Variants in RPTOR observed in about 807,000 individuals in gnomAD.
The protein encoded by RPTOR is regulatory-associated protein of mTOR.
RPTOR carries 21 observed loss-of-function variants against 169.9 expected under a neutral mutation model. The ratio of observed to expected loss-of-function variants is 0.12; its 90% confidence interval spans 0.09 to 0.18. The LOEUF (loss-of-function observed/expected upper bound fraction) is 0.18, where lower values mean the gene tolerates loss of function less well. Among genes scored for constraint, RPTOR ranks in the 10% least tolerant of loss-of-function variants. The pLI is 1.00. For missense variants in RPTOR, 1,133 were observed against 1,855.9 expected, an observed-to-expected ratio of 0.61 and a Z score of 7.16; for synonymous variants, 732 against 753.2, an observed-to-expected ratio of 0.97 and a Z score of 0.46.
At chr17:80,796,433 A>ATTGCC (rs1203881058) in intron 7 of RPTOR, among the ~76,000 whole-genome samples, 1 of 152,146 alleles carries the variant, frequency 6.6e-6, no homozygotes, top group African/African-American at 2.4e-5. Flanking sequence ...GTCATGGCAG[A>ATTGCC]AAGGGAAGGG....
At chr17:80,937,731 G>A (rs562611200) in intron 24 of RPTOR, among the ~76,000 whole-genome samples, 3 of 152,350 alleles carry the variant, frequency 2.0e-5, no homozygotes, top group East Asian at 1.9e-4. Context: ...CGACAGAGCC[G>A]ATGATGAAGA....
Position 80,963,106 on chromosome 17 carries a change from GGAT to G in RPTOR, c.3939+51_3939+53del, listed in dbSNP as rs1448808509. On this transcript the variant is annotated intron_variant, in intron 33 of 33. Coordinates refer to ENST00000306801, the MANE Select transcript of RPTOR (RefSeq NM_020761.3). ...TCGGGGGTCGGGGGCTGGGGTAGAGGGATGGGAGGCAAGGGGACAAGGCAGCAG... is the reference window on the plus strand; with the variant it reads ...TCGGGGGTCGGGGGCTGGGGTAGAGGGGGAGGCAAGGGGACAAGGCAGCAG... The G allele has an allele frequency of 3.0e-6, 4 of 1,312,742 alleles. No individual in the cohort carries two copies. In the Admixed American group the frequency reaches 7.9e-5, roughly 26 times the overall value. 81.3% of individuals were successfully genotyped at this position (1,312,742 alleles called of 1,614,324 possible).
At position 80,707,047 on chromosome 17, in the gene RPTOR, T is replaced by A. The variant is rs929631181; in HGVS notation, c.349-794T>A. Among the ~76,000 whole-genome samples the A allele has an allele frequency of 3.3e-5, 5 of 152,200 alleles. No homozygotes were observed. The highest frequency in any genetic ancestry group is 7.3e-5 in the Non-Finnish European group (5 of 68,034). On this transcript the variant is annotated intron_variant, in intron 3 of 33. Coordinates refer to ENST00000306801, the MANE Select transcript of RPTOR (RefSeq NM_020761.3). The surrounding 1 kb of genome is among the most constrained non-coding windows in gnomAD (Gnocchi z 5.0). ...ATTTGTGTATATCAAGGCTATTGATTGTTCTCTGTCAGTTTTAGATTCTGC... is the reference window on the plus strand; with the variant it reads ...ATTTGTGTATATCAAGGCTATTGATAGTTCTCTGTCAGTTTTAGATTCTGC...
intron 6 of RPTOR, among the ~76,000 whole-genome samples, chr17:80,779,201 G>A (rs528559945): frequency 1.4e-4 from 22 of 152,220 alleles, no homozygotes; most frequent in Non-Finnish European, 2.5e-4. Context: ...GTGTGCGCCC[G>A]TAAGCTGGCT....
At chr17:80,869,305 G>A (rs1035812769) in intron 13 of RPTOR, among the ~76,000 whole-genome samples, 15 of 152,026 alleles carry the variant, frequency 9.9e-5, no homozygotes, top group Non-Finnish European at 2.1e-4. Flanking sequence ...GACTACAGAC[G>A]CCTGCCACCA....
intron 17 of RPTOR, among the ~76,000 whole-genome samples, chr17:80,891,460 G>A (rs555503451): frequency 6.6e-5 from 10 of 152,290 alleles, no homozygotes; most frequent in East Asian, 3.9e-4. Context: ...CCGATGCGTC[G>A]TGCGCCTCTA....
chr17:80,607,552 C>G (rs1458534971), intron 1 of RPTOR, among the ~76,000 whole-genome samples: 8 of 151,180 alleles, frequency 5.3e-5, no homozygotes, highest in Non-Finnish European at 5.9e-5. Flanking sequence ...TGTTTTGTCC[C>G]TCATCTCCCT....
intron 1 of RPTOR, among the ~76,000 whole-genome samples, chr17:80,564,839 C>T (rs1350325088): frequency 1.3e-5 from 2 of 152,154 alleles, no homozygotes; most frequent in Non-Finnish European, 2.9e-5. Context: ...TAAGTGAGAA[C>T]ATGCGGTGTT....
intron 21 of RPTOR, among the ~76,000 whole-genome samples, chr17:80,918,838 T>C (rs999117262): frequency 6.6e-6 from 1 of 152,074 alleles, no homozygotes; most frequent in African/African-American, 2.4e-5. Context: ...CGTGTCTGTG[T>C]CCTGTGCCGC....
chr17:80,737,422 C>T (rs186947405), intron 5 of RPTOR, among the ~76,000 whole-genome samples: 1 of 152,316 alleles, frequency 6.6e-6, no homozygotes, highest in Admixed American at 6.5e-5. Flanking sequence ...AACCCACCAC[C>T]AGCCTGAGTG....
intron 6 of RPTOR, among the ~76,000 whole-genome samples, chr17:80,770,273 C>T (rs55774251): frequency 0.27 from 41,439 of 151,984 alleles, 5,784 homozygotes; most frequent in African/African-American, 0.33. Flanking sequence ...GGGATGTAAC[C>T]GTCATCTAAA....
chr17:80,774,286 T>G, intron 6 of RPTOR: 1 of 985,438 alleles, frequency 1.0e-6, no homozygotes, highest in Non-Finnish European at 1.2e-6. Context: ...GCGCGGGAGC[T>G]GCACGGGAGA....
At chr17:80,779,570 C>T (rs916840276) in intron 6 of RPTOR, among the ~76,000 whole-genome samples, 12 of 152,232 alleles carry the variant, frequency 7.9e-5, no homozygotes, top group Non-Finnish European at 1.5e-4. Context: ...ATTCCGTGAC[C>T]GCAGGCACTG....
chr17:80,720,379 C>G (rs934577015), intron 4 of RPTOR, among the ~76,000 whole-genome samples: 7 of 152,016 alleles, frequency 4.6e-5, no homozygotes, highest in African/African-American at 1.7e-4. Context: ...ATATTTATGT[C>G]AGACCACAAT....
chr17:80,737,424 G>A (rs531818767), intron 5 of RPTOR, among the ~76,000 whole-genome samples: 48 of 152,258 alleles, frequency 3.2e-4, no homozygotes, highest in African/African-American at 1.1e-3. Flanking sequence ...CCCACCACCA[G>A]CCTGAGTGCT....
At chr17:80,561,818 G>T (rs922795034) in intron 1 of RPTOR, among the ~76,000 whole-genome samples, 2 of 152,064 alleles carry the variant, frequency 1.3e-5, no homozygotes, top group African/African-American at 2.4e-5. Context: ...ACGTGTGTTT[G>T]TGTGTGACTG....
intron 24 of RPTOR, among the ~76,000 whole-genome samples, chr17:80,935,020 CAAA>C (rs35820587): frequency 2.1e-4 from 28 of 131,836 alleles, no homozygotes; most frequent in Non-Finnish European, 3.1e-4. Context: ...GACCCTGTCT[CAAA>C]AAAAAAAAAA....
chr17:80,663,054 A>G (rs932162055), intron 3 of RPTOR, among the ~76,000 whole-genome samples: 2 of 152,038 alleles, frequency 1.3e-5, no homozygotes, highest in Admixed American at 6.5e-5. Context: ...ACCTTTTTCT[A>G]CAGTGACCAC....
chr17:80,728,134 C>A (rs1055134976), intron 4 of RPTOR, among the ~76,000 whole-genome samples: 8 of 152,122 alleles, frequency 5.3e-5, no homozygotes, highest in African/African-American at 1.9e-4. Context: ...ATTTTTGATT[C>A]ATTTTTCTTC....
Sources: allele counts gnomAD v4.1 joint callset (sites outside exome capture counted in the v4.1 genomes callset), GRCh38; gene constraint gnomAD v4.1.1; non-coding constraint Gnocchi (gnomAD v3.1); transcripts MANE v1.5; gene names NCBI Gene and HGNC (gene_info 2026-07-23, HGNC 2026-07-21).